The following HPSE2 variants were observed in gnomAD, a reference collection of about 807,000 sequenced individuals.
The protein encoded by HPSE2 is inactive heparanase-2.
A neutral mutation model predicts 60.5 loss-of-function variants in HPSE2; 38 were observed. That is an observed-to-expected ratio of 0.63 (90% confidence interval 0.48 to 0.82). HPSE2 has a LOEUF of 0.82. Among genes scored for constraint, HPSE2 ranks in the 40% least tolerant of loss-of-function variants. The pLI, the probability that HPSE2 is intolerant of heterozygous loss-of-function variation, is 0.00. For missense variants in HPSE2, 713 were observed against 740.4 expected, an observed-to-expected ratio of 0.96 and a Z score of 0.43; for synonymous variants, 295 against 293.2, an observed-to-expected ratio of 1.01 and a Z score of -0.06.
intron 11 of HPSE2, among the ~76,000 whole-genome samples, chr10:98,467,204 G>A (rs1208524661): frequency 2.6e-5 from 4 of 152,034 alleles, no homozygotes; most frequent in Non-Finnish European, 5.9e-5. Context: ...ACACAGTATT[G>A]TGACCGCTGA....
chr10:98,686,418 T>G (rs1947917323), intron 6 of HPSE2, among the ~76,000 whole-genome samples: 1 of 152,174 alleles, frequency 6.6e-6, no homozygotes, highest in Non-Finnish European at 1.5e-5. Flanking sequence ...TTTATTTATT[T>G]AGAGATGGGA....
intron 3 of HPSE2, among the ~76,000 whole-genome samples, chr10:98,854,873 T>G (rs1452135102): frequency 6.6e-6 from 1 of 152,064 alleles, no homozygotes. Flanking sequence ...CAATAAAGCT[T>G]AAAAAGGGAA....
intron 2 of HPSE2, among the ~76,000 whole-genome samples, chr10:99,148,376 T>A (rs1313278986): frequency 6.6e-6 from 1 of 152,244 alleles, no homozygotes; most frequent in Non-Finnish European, 1.5e-5. Flanking sequence ...TTATTTTTGT[T>A]ATTAGTATCC....
intron 3 of HPSE2, among the ~76,000 whole-genome samples, chr10:98,790,512 A>G (rs1950631982): frequency 6.6e-6 from 1 of 152,212 alleles, no homozygotes; most frequent in Non-Finnish European, 1.5e-5. Context: ...AGGAAAGGGA[A>G]TATGTTGATC....
chr10:99,043,990 A>G (rs2135482054), intron 3 of HPSE2, among the ~76,000 whole-genome samples: 2 of 152,322 alleles, frequency 1.3e-5, no homozygotes, highest in African/African-American at 4.8e-5. Flanking sequence ...AGAAGTTGGT[A>G]TGCAAATCCA....
chr10:98,735,120 T>C (rs1422376713), intron 4 of HPSE2, among the ~76,000 whole-genome samples: 3 of 151,882 alleles, frequency 2.0e-5, no homozygotes, highest in African/African-American at 7.3e-5. Context: ...CTCTTTTTCT[T>C]TATAAATTAC....
chr10:99,240,865 C>A, the HPSE2 span, among the ~76,000 whole-genome samples: 1 of 152,124 alleles, frequency 6.6e-6, no homozygotes, highest in African/African-American at 2.4e-5. Context: ...AAGAATTATG[C>A]CTAGCTGTCT....
chr10:99,058,904 T>G (rs1379565457), intron 3 of HPSE2, among the ~76,000 whole-genome samples: 2 of 152,100 alleles, frequency 1.3e-5, no homozygotes, highest in African/African-American at 4.8e-5. Flanking sequence ...GGAGGGGAGA[T>G]AGTAATTATT....
intron 11 of HPSE2, among the ~76,000 whole-genome samples, chr10:98,461,506 T>C (rs1197899231): frequency 1.3e-5 from 2 of 152,230 alleles, no homozygotes; most frequent in Admixed American, 1.3e-4. Flanking sequence ...GACAGCCTAC[T>C]CATTGGAGTG....
chr10:99,277,745 G>T, the HPSE2 span, among the ~76,000 whole-genome samples: 2 of 152,114 alleles, frequency 1.3e-5, no homozygotes, highest in Non-Finnish European at 2.9e-5. Flanking sequence ...AAATTCCTAA[G>T]AAAAGATGGA....
At chr10:99,169,060 G>A (rs1012917766) in intron 2 of HPSE2, among the ~76,000 whole-genome samples, 2 of 151,890 alleles carry the variant, frequency 1.3e-5, no homozygotes, top group Non-Finnish European at 2.9e-5. Flanking sequence ...AGGCGTGGTG[G>A]TGGGCGCCTG....
At chr10:99,024,335 A>G (rs1957330108) in intron 3 of HPSE2, among the ~76,000 whole-genome samples, 1 of 152,166 alleles carries the variant, frequency 6.6e-6, no homozygotes, top group Non-Finnish European at 1.5e-5. Flanking sequence ...CACACCTACA[A>G]GATCTAGATA....
rs192694360 is a variant in HPSE2 at position 98,761,163 on chromosome 10, T to C, written c.611-17107A>G. Among the ~76,000 whole-genome samples the C allele has an allele frequency of 4.8e-4, 73 of 152,206 alleles. 1 individual carries two copies. The highest frequency in any genetic ancestry group is 3.1e-3 in the Admixed American group (47 of 15,284). Reference sequence around the variant, plus strand: ...CTGTGGTATCAGTTGTAACATCCCCTTTTTCCTTTATAATTTTATTTAAGT... The same window carrying C: ...CTGTGGTATCAGTTGTAACATCCCCCTTTTCCTTTATAATTTTATTTAAGT... On this transcript the variant is annotated intron_variant, in intron 3 of 11. Coordinates refer to ENST00000370552, the MANE Select transcript of HPSE2 (RefSeq NM_021828.5).
intron 3 of HPSE2, among the ~76,000 whole-genome samples, chr10:99,101,627 A>G (rs566173956): frequency 2.0e-5 from 3 of 152,354 alleles, no homozygotes; most frequent in Admixed American, 6.5e-5. Flanking sequence ...CTCTGCACCA[A>G]GTGGACCTAA....
chr10:99,237,891 T>C (rs1849900659), upstream of HPSE2, among the ~76,000 whole-genome samples: 1 of 152,246 alleles, frequency 6.6e-6, no homozygotes, highest in African/African-American at 2.4e-5. Flanking sequence ...TAGTAGGCAC[T>C]CAATAAATTC....
At chr10:99,048,363 A>G (rs1311809001) in intron 3 of HPSE2, 2 of 282,966 alleles carry the variant, frequency 7.1e-6, no homozygotes, top group Non-Finnish European at 1.3e-5. Context: ...CTGCTCTCAA[A>G]CTGAAAAAAA....
At chr10:99,232,233 A>C in intron 2 of HPSE2, 115 bp downstream of exon 2, 1 of 1,251,254 alleles carries the variant, frequency 8.0e-7, no homozygotes, top group Non-Finnish European at 1.1e-6. Context: ...ACACACACAC[A>C]CACACACACA....
intron 3 of HPSE2, among the ~76,000 whole-genome samples, chr10:99,082,866 C>A (rs1014927136): frequency 1.3e-5 from 2 of 152,068 alleles, no homozygotes; most frequent in African/African-American, 4.8e-5. Context: ...ACAAAAATAA[C>A]TGAATTTCGA....
intron 3 of HPSE2, among the ~76,000 whole-genome samples, chr10:98,995,629 A>G (rs1956626231): frequency 6.6e-6 from 1 of 152,172 alleles, no homozygotes; most frequent in African/African-American, 2.4e-5. Context: ...ATTCACTTCT[A>G]CTTATCAAAA....
Sources: gnomAD v4.1 joint callset for allele counts (sites outside exome capture counted in the v4.1 genomes callset) on GRCh38, gnomAD v4.1.1 for gene constraint, MANE v1.5 for transcripts, NCBI Gene and HGNC (gene_info 2026-07-23, HGNC 2026-07-21) for gene names.